RANBP9: variants seen among roughly 807,000 people sequenced by gnomAD.
The protein encoded by RANBP9 is ran-binding protein 9.
A neutral mutation model predicts 84.3 loss-of-function variants in RANBP9; 15 were observed. The observed-to-expected ratio is 0.18, with a 90% CI of 0.12 to 0.27. The LOEUF is 0.27. Ranked by LOEUF, RANBP9 falls within the 10% of genes least tolerant of loss-of-function variation. The pLI, the probability that RANBP9 is intolerant of heterozygous loss-of-function variation, is 1.00. For missense variants in RANBP9, 809 were observed against 912.8 expected, an observed-to-expected ratio of 0.89 and a Z score of 1.46; for synonymous variants, 392 against 349.6, an observed-to-expected ratio of 1.12 and a Z score of -1.35.
In RANBP9 at chr6:13,649,461, GAAAAAAA is replaced by G. The variant is rs375894187; in HGVS notation, c.927+3191_927+3197del. 6.5e-5 allele frequency among the ~76,000 whole-genome samples: 6 copies of G among 92,704 alleles called. No homozygotes were observed. In the South Asian group the frequency reaches 2.3e-3, roughly 36 times the overall value. 60.8% of individuals were successfully genotyped at this position (92,704 alleles called of 152,430 possible). ...TGACTAGTTGCTTAGTGCCACAACA[GAAAAAAA>G]AAAAAAAAAAAAAGTCACTAAACTC... On this transcript the variant is annotated intron_variant, in intron 5 of 13. Transcript: ENST00000011619.
At chr6:13,644,265 A>G (rs1346128580) in intron 6 of RANBP9, among the ~76,000 whole-genome samples, 4 of 152,202 alleles carry the variant, frequency 2.6e-5, no homozygotes, top group Admixed American at 6.5e-5. Context: ...TAAGAATAGC[A>G]AATGAATTAA....
intron 5 of RANBP9, among the ~76,000 whole-genome samples, chr6:13,650,392 C>G (rs188161545): frequency 6.6e-6 from 1 of 152,212 alleles, no homozygotes. Flanking sequence ...TATAAATAGT[C>G]TATAGATTTG....
At chr6:13,694,490 C>G (rs1255469973) in intron 2 of RANBP9, among the ~76,000 whole-genome samples, 1 of 152,110 alleles carries the variant, frequency 6.6e-6, no homozygotes, top group Non-Finnish European at 1.5e-5. Flanking sequence ...TTACCAGGAG[C>G]TAGATATGGG....
chr6:13,632,773 G>A, intron 11 of RANBP9: 1 of 293,940 alleles, frequency 3.4e-6, no homozygotes, highest in East Asian at 5.7e-5. Flanking sequence ...AGTGTTAGAG[G>A]GTACTTATGT....
chr6:13,631,640 C>T (rs564378830), intron 12 of RANBP9, among the ~76,000 whole-genome samples: 1 of 152,300 alleles, frequency 6.6e-6, no homozygotes, highest in African/African-American at 2.4e-5. Context: ...CTGCATTCAT[C>T]TCCCCTTTAA....
chr6:13,711,494 C>G lies in RANBP9; in HGVS notation c.12G>C (p.Gln4His), dbSNP rs1325592304. 27 of 1,249,356 alleles carry G rather than the reference C, an allele frequency of 2.2e-5. No individual in the cohort carries two copies. Among genetic ancestry groups the G allele is most frequent in the Non-Finnish European group, 2.6e-5 (26 of 995,774 alleles). 77.4% of individuals were successfully genotyped at this position (1,249,356 alleles called of 1,614,324 possible). ...GCTGCTGCGGCGGCGGCGGCGGCGG[C>G]TGCCCGGACATCCCGGCCGCGACTC... MSGQPPPPPPQQQQ... is the reference protein window; with the variant it reads MSGHPPPPPPQQQQ... Residue 4 changes from glutamine (Q) to histidine (H), a missense_variant, in exon 1 of 14, where the codon CAG becomes CAC. Coordinates refer to ENST00000011619, the MANE Select transcript of RANBP9 (RefSeq NM_005493.3).
At chr6:13,638,097 G>A in intron 9 of RANBP9, 142 bp from the exon 10 acceptor site, 1 of 650,226 alleles carries the variant, frequency 1.5e-6, no homozygotes, top group Non-Finnish European at 2.4e-6. Flanking sequence ...TAACTTCTTT[G>A]AAAGGATACT....
At chr6:13,693,712 C>T (rs1278097006) in intron 2 of RANBP9, among the ~76,000 whole-genome samples, 1 of 152,028 alleles carries the variant, frequency 6.6e-6, no homozygotes, top group Non-Finnish European at 1.5e-5. Flanking sequence ...CTGTCTGGCT[C>T]AGGAGAAAAA....
chr6:13,664,623 G>A (rs7741241), intron 2 of RANBP9, among the ~76,000 whole-genome samples: 61,541 of 151,844 alleles, frequency 0.41, 12,958 homozygotes, highest in Admixed American at 0.51. Flanking sequence ...CTAGAAGAGA[G>A]TAATTCAAAT....
intron 2 of RANBP9, among the ~76,000 whole-genome samples, chr6:13,679,171 A>G (rs1289191069): frequency 6.6e-6 from 1 of 152,250 alleles, no homozygotes; most frequent in Admixed American, 6.5e-5. Context: ...GAATCATGAA[A>G]AACAGAAATT....
intron 13 of RANBP9, 25 bp downstream of exon 13, chr6:13,625,628 T>C (rs769131794): frequency 1.3e-6 from 2 of 1,500,032 alleles, no homozygotes; most frequent in East Asian, 2.3e-5. Context: ...CTAACTGAAA[T>C]TGTGCCTTAT....
intron 2 of RANBP9, among the ~76,000 whole-genome samples, chr6:13,668,707 G>A (rs1252567376): frequency 6.6e-6 from 1 of 151,950 alleles, no homozygotes; most frequent in Non-Finnish European, 1.5e-5. Flanking sequence ...TCATGACTCA[G>A]CAAGCTTGAA....
intron 2 of RANBP9, among the ~76,000 whole-genome samples, chr6:13,683,773 C>A (rs1373465486): frequency 1.3e-5 from 2 of 149,606 alleles, no homozygotes; most frequent in East Asian, 1.9e-4. Flanking sequence ...AAAAAAATTT[C>A]TTGGGAAAAA....
chr6:13,678,029 G>C (rs942981003), intron 2 of RANBP9, among the ~76,000 whole-genome samples: 6 of 152,244 alleles, frequency 3.9e-5, no homozygotes, highest in African/African-American at 1.2e-4. Context: ...TGAGGTGGGA[G>C]GATCACTAAG....
chr6:13,705,636 C>G (rs191690934), intron 1 of RANBP9, among the ~76,000 whole-genome samples: 346 of 150,930 alleles, frequency 2.3e-3, no homozygotes, highest in African/African-American at 7.9e-3. Flanking sequence ...ACGAGGCGCG[C>G]AGATCACAAG....
At chr6:13,624,930 G>A (rs1764559315) in intron 13 of RANBP9, among the ~76,000 whole-genome samples, 1 of 152,188 alleles carries the variant, frequency 6.6e-6, no homozygotes, top group African/African-American at 2.4e-5. Flanking sequence ...CATGGTGGGA[G>A]CTGTGATACC....
At chr6:13,651,505 C>T (rs1194467318) in intron 5 of RANBP9, among the ~76,000 whole-genome samples, 7 of 152,126 alleles carry the variant, frequency 4.6e-5, no homozygotes, top group African/African-American at 1.4e-4. Flanking sequence ...CGCCATTCTC[C>T]TGCCTCAGCC....
At chr6:13,687,328 A>T (rs138738736) in intron 2 of RANBP9, among the ~76,000 whole-genome samples, 103 of 152,222 alleles carry the variant, frequency 6.8e-4, no homozygotes, top group African/African-American at 2.4e-3. Flanking sequence ...TCTTCTTTAA[A>T]GATCCACTTC....
rs73358364 is a variant in RANBP9, at chr6:13,684,196, T to C, written c.683+12589A>G. On this transcript the variant is annotated intron_variant, in intron 2 of 13. Transcript: ENST00000011619. ...GGCATTGTTCTACACAACATGGATATAGCAGTAAACAAAACAGACCAAAAA... is the reference window on the plus strand; with the variant it reads ...GGCATTGTTCTACACAACATGGATACAGCAGTAAACAAAACAGACCAAAAA... 2.9e-3 allele frequency among the ~76,000 whole-genome samples: 446 copies of C among 152,310 alleles called. 2 individuals are homozygous for C. The highest frequency in any genetic ancestry group is 0.01 in the African/African-American group (423 of 41,552).
Sources: gnomAD v4.1 joint callset for allele counts (sites outside exome capture counted in the v4.1 genomes callset) on GRCh38, gnomAD v4.1.1 for gene constraint, MANE v1.5 for transcripts, NCBI Gene and HGNC (gene_info 2026-07-23, HGNC 2026-07-21) for gene names.